CAPRIN2: variants seen among roughly 807,000 people sequenced by gnomAD.
CAPRIN2 encodes the protein caprin-2.
Under a neutral mutation model 130.4 loss-of-function variants are expected in CAPRIN2, and 66 were observed. The ratio of observed to expected loss-of-function variants is 0.51; its 90% CI spans 0.42 to 0.62. The LOEUF is 0.62. Ranked by LOEUF, CAPRIN2 falls within the 20% of genes least tolerant of loss-of-function variation. The pLI, the probability that CAPRIN2 is intolerant of heterozygous loss-of-function variation, is 0.00. For missense variants in CAPRIN2, 1,185 were observed against 1,246.6 expected (o/e 0.95, Z 0.74); for synonymous variants, 471 against 444.1 (o/e 1.06, Z -0.76).
chr12:30,719,105 T>C (rs749188858), intron 12 of CAPRIN2: 1 of 1,614,138 alleles, frequency 6.2e-7, no homozygotes, highest in Non-Finnish European at 8.5e-7. Context: ...AAGGGTGCTG[T>C]GTTAATGGTT....
intron 3 of CAPRIN2, among the ~76,000 whole-genome samples, chr12:30,740,245 G>A (rs1017880199): frequency 5.9e-5 from 9 of 151,942 alleles, no homozygotes; most frequent in African/African-American, 2.2e-4. Context: ...CTCTAGGCTG[G>A]GTGAGAGAGC....
chr12:30,752,206 G>A (rs533959662), intron 1 of CAPRIN2, among the ~76,000 whole-genome samples: 48 of 152,012 alleles, frequency 3.2e-4, no homozygotes, highest in Non-Finnish European at 5.3e-4. Context: ...ACAGGTGTGA[G>A]CCACTGCACC....
At chr12:30,738,664 A>G (rs2065957671) in intron 3 of CAPRIN2, among the ~76,000 whole-genome samples, 1 of 152,236 alleles carries the variant, frequency 6.6e-6, no homozygotes, top group Non-Finnish European at 1.5e-5. Context: ...TGCATCTGAC[A>G]AAGATCTAAT....
At chr12:30,735,233 G>A (rs375078732) in intron 3 of CAPRIN2, 27 bp from the exon 5 acceptor site, 184 of 1,541,804 alleles carry the variant, frequency 1.2e-4, no homozygotes, top group Admixed American at 1.5e-4. Context: ...CTAATTAAGG[G>A]TAACAATTCT....
At position 30,730,257 on chromosome 12, in the gene CAPRIN2, T is replaced by C. The variant is rs760129963; in HGVS notation, c.1086A>G (p.Pro362=). ...ATCTTACCTCTTGTGGTTGTATCTC[T>C]GGCTGGGCAAATTCCATTAGAGACT... is the stretch of plus-strand genomic sequence containing the variant. The change falls in exon 7 of 17, where the codon CCA becomes CCG. Residue 362 remains proline, a synonymous_variant. Transcript: ENST00000298892. 5 of 1,611,580 alleles carry C rather than the reference T, an allele frequency of 3.1e-6. 1 individual carries two copies. In the South Asian group the frequency reaches 3.3e-5, roughly 11 times the overall value.
In CAPRIN2 at chr12:30,751,511, T is replaced by C. The variant is rs552559693; in HGVS notation, c.421-378A>G. The stretch of plus-strand genomic sequence containing the variant: ...TACCTGGCAATATCTAGGGATATTT[T>C]TGGTTATCACAACTTGGGAGGGGGA... On this transcript the variant is annotated intron_variant, in intron 1 of 16. Transcript: ENST00000298892. The C allele has an allele frequency of 1.1e-4, 24 of 216,768 alleles. No individual in the cohort carries two copies. The East Asian group carries it at 2.1e-3, about 19-fold the overall frequency. 13.4% of individuals were successfully genotyped at this position (216,768 alleles called of 1,614,324 possible). A position where few individuals can be genotyped will look rare whatever the true frequency, so the allele number is the denominator to read the frequency against.
chr12:30,730,097 T>C, intron 7 of CAPRIN2, 142 bp downstream of exon 8: 4 of 636,688 alleles, frequency 6.3e-6, no homozygotes, highest in Non-Finnish European at 8.4e-6. Context: ...ACCAGATTTC[T>C]TGCCCAAAGT....
exon 17 of CAPRIN2, chr12:30,709,864 A>G: frequency 6.4e-7 from 1 of 1,558,580 alleles, no homozygotes; most frequent in Non-Finnish European, 8.7e-7. Flanking sequence ...CCCACTAATT[A>G]GAACACCATC....
chr12:30,721,108 T>C (rs2059288505), intron 11 of CAPRIN2, among the ~76,000 whole-genome samples, 193 bp from the exon 13 acceptor site: 2 of 152,218 alleles, frequency 1.3e-5, no homozygotes, highest in Admixed American at 6.5e-5. Flanking sequence ...TCTCATTTTA[T>C]TGACAATTAA....
chr12:30,726,235 T>C (rs2060886630), intron 8 of CAPRIN2, 147 bp from the exon 10 acceptor site: 1 of 588,102 alleles, frequency 1.7e-6, no homozygotes, highest in East Asian at 3.6e-5. Context: ...AAATACCTTT[T>C]CTAAATAAGC....
intron 8 of CAPRIN2, 75 bp downstream of exon 9, chr12:30,728,573 G>C (rs1417072175): frequency 7.6e-6 from 8 of 1,054,032 alleles, no homozygotes; most frequent in Admixed American, 2.8e-5. Context: ...AAAAAAAAGA[G>C]AACTAAAAAG....
chr12:30,715,027 G>C (rs1290326361), exon 14 of CAPRIN2: 1 of 1,614,038 alleles, frequency 6.2e-7, no homozygotes, highest in Admixed American at 1.7e-5. Flanking sequence ...TCCTCTAACA[G>C]ATCCCCGGCT....
rs181542791 is a variant in CAPRIN2 at position 30,710,019 on chromosome 12, A to G, written c.3117T>C (p.His1039=). 1.3e-4 allele frequency: 209 copies of G among 1,614,182 alleles called. 1 individual carries two copies. In the East Asian group the frequency reaches 2.7e-3, roughly 20 times the overall value. The change falls in exon 17 of 17, where the codon CAT becomes CAC. Residue 1039 remains histidine (H), a synonymous_variant. Transcript: ENST00000298892. This position sits in a 1 kb window ranked among gnomAD's most constrained non-coding sequence, Gnocchi z 4.8. Reference sequence around the variant, plus strand: ...CTCCCTGGAAGAGCTGAAGAATTGCATGATTGCTAGCAGTTTCATGGTCTG... The same window carrying G: ...CTCCCTGGAAGAGCTGAAGAATTGCGTGATTGCTAGCAGTTTCATGGTCTG...
Position 30,710,201 on chromosome 12 carries a change from T to C in CAPRIN2, c.2935A>G (p.Thr979Ala), listed in dbSNP as rs746362702. 1.9e-6 allele frequency: 3 copies of C among 1,614,122 alleles called. No homozygotes were observed. The South Asian group carries it at 3.3e-5, about 18-fold the overall frequency. The change falls in exon 17 of 17, where the codon ACT (threonine) becomes GCT (alanine). Residue 979 changes from threonine (T) to alanine (A), a missense_variant. By Grantham distance (58) the Thr-to-Ala change is moderately conservative. Coordinates refer to ENST00000298892, the Ensembl canonical transcript of CAPRIN2. The surrounding 1 kb of genome is among the most constrained non-coding windows in gnomAD (Gnocchi z 4.8). The stretch of plus-strand genomic sequence containing the variant: ...AATCTACCAAGCTGAAGATCAAAAG[T>C]TTCTCCTAAGTTGTTCAGAAGAAGA...
chr12:30,745,180 C>T (rs1258259378), intron 2 of CAPRIN2, among the ~76,000 whole-genome samples: 1 of 152,190 alleles, frequency 6.6e-6, no homozygotes, highest in Non-Finnish European at 1.5e-5. Context: ...GTACCACATT[C>T]TAATTCTTTA....
chr12:30,716,683 A>G lies in CAPRIN2; in HGVS notation c.2149-7T>C. 1 of 1,612,276 alleles carries G rather than the reference A, an allele frequency of 6.2e-7. No homozygotes were observed. Among genetic ancestry groups the G allele is most frequent in the South Asian group, 1.1e-5 (1 of 90,848 alleles). On this transcript the variant is annotated splice_polypyrimidine_tract_variant and splice_region_variant and intron_variant, in intron 12 of 16. Coordinates refer to ENST00000298892, the Ensembl canonical transcript of CAPRIN2. The stretch of plus-strand genomic sequence containing the variant: ...GTGCATTAACGTTAAATACCTTAAA[A>G]GACAAGGACACACTGAGTCATTTGG...
chr12:30,719,319 CT>C, intron 12 of CAPRIN2, 94 bp from the exon 14 acceptor site: 2 of 1,400,686 alleles, frequency 1.4e-6, no homozygotes, highest in Non-Finnish European at 2.0e-6. Flanking sequence ...TCAGCAAGTT[CT>C]TTAGGATGAC....
intron 2 of CAPRIN2, among the ~76,000 whole-genome samples, chr12:30,750,779 C>G (rs1435429547): frequency 6.6e-6 from 1 of 152,198 alleles, no homozygotes; most frequent in Non-Finnish European, 1.5e-5. Flanking sequence ...TCAGTCCACT[C>G]TGGCACATAA....
intron 2 of CAPRIN2, among the ~76,000 whole-genome samples, chr12:30,742,821 T>C (rs1218811623): frequency 6.6e-6 from 1 of 152,162 alleles, no homozygotes; most frequent in East Asian, 1.9e-4. Context: ...GATCTGGTGC[T>C]TGCTTTATTA....
Sources: gnomAD v4.1 joint callset for allele counts (sites outside exome capture counted in the v4.1 genomes callset) on GRCh38, gnomAD v4.1.1 for gene constraint, Gnocchi (gnomAD v3.1) non-coding constraint, MANE v1.5 for transcripts, NCBI Gene and HGNC (gene_info 2026-07-23, HGNC 2026-07-21) for gene names.